The following PML variants were observed in gnomAD, a reference collection of about 807,000 sequenced individuals.
PML encodes the protein protein PML.
Under a neutral mutation model 65.2 loss-of-function variants are expected in PML, and 28 were observed. That is an observed-to-expected ratio of 0.43 (90% CI 0.32 to 0.59). PML has a LOEUF of 0.59. PML is among the 20% of genes least tolerant of loss of function. PML has a pLI of 0.08. For synonymous variants in PML, 500 were observed against 508.8 expected (o/e 0.98, Z 0.23); for missense variants, 1,021 against 1,203.4 (o/e 0.85, Z 2.24).
chr15:74,041,867 G>A (rs952819961), intron 7 of PML, among the ~76,000 whole-genome samples: 2 of 152,166 alleles, frequency 1.3e-5, no homozygotes, highest in African/African-American at 4.8e-5. Flanking sequence ...GAAGCCAGCG[G>A]CAGTCCATAA....
In PML at chr15:74,033,266, G is replaced by A. The variant is rs1336817857; in HGVS notation, c.1509G>A (p.Arg503=). 1 of 1,614,212 alleles carries A rather than the reference G, an allele frequency of 6.2e-7. No individual in the cohort carries two copies. The highest frequency in any genetic ancestry group is 2.2e-5 in the East Asian group (1 of 44,886). ...AGGGGAAGGAGGCAAGGTTGGCTCG[G>A]AGCTCCCCGGAGCAGCCCAGGCCCA... ...SEEGKEARLA[R]SSPEQPRPST... The change falls in exon 6 of 9, where the codon CGG becomes CGA. Residue 503 remains arginine, a synonymous_variant. Transcript: ENST00000268058.
At chr15:74,016,625 G>A (rs1055194746) in intron 2 of PML, among the ~76,000 whole-genome samples, 2 of 152,024 alleles carry the variant, frequency 1.3e-5, no homozygotes, top group African/African-American at 2.4e-5. Flanking sequence ...ATGAGAGAAA[G>A]AGGAAACTAC....
At chr15:74,033,441 T>A in intron 6 of PML, 27 bp downstream of exon 6, 1 of 1,611,008 alleles carries the variant, frequency 6.2e-7, no homozygotes, top group Non-Finnish European at 8.5e-7. Context: ...GGCAGTGGCC[T>A]GGGTGCTGCC....
chr15:74,035,385 C>T lies in PML; in HGVS notation c.1710+855C>T. On this transcript the variant is annotated intron_variant, in intron 7 of 8. Transcript: ENST00000268058. This position sits in a 1 kb window ranked among gnomAD's most constrained non-coding sequence, Gnocchi z 4.1. ...CCCCGATGCTGAGCCTCACAGCGAG[C>T]CTCCTGATCACCAGGAGCGCCCTGC... 1.9e-6 allele frequency: 3 copies of T among 1,611,860 alleles called. No homozygotes were observed. The highest frequency in any genetic ancestry group is 2.5e-6 in the Non-Finnish European group (3 of 1,179,968).
At chr15:74,018,526 T>A (rs1243362469) in intron 2 of PML, among the ~76,000 whole-genome samples, 4 of 152,038 alleles carry the variant, frequency 2.6e-5, no homozygotes, top group African/African-American at 4.8e-5. Flanking sequence ...TAAAAAAAGT[T>A]TTTTAGAGAT....
Position 74,046,784 on chromosome 15 carries a change from A to C in PML, c.*1776A>C. ...GTGAATCTTGAAAGCCTGATGCTCC[A>C]ATCACAGACTCTGCTCAGCATCCCC... On this transcript the variant is annotated 3_prime_UTR_variant, in exon 9 of 9. Coordinates refer to ENST00000268058, the MANE Select transcript of PML (RefSeq NM_033238.3). 2 of 231,440 alleles carry C rather than the reference A, an allele frequency of 8.6e-6. No individual in the cohort carries two copies. The highest frequency in any genetic ancestry group is 1.7e-5 in the Non-Finnish European group (2 of 116,884). The allele number at this position is 231,440 out of a possible 1,614,324, so 14.3% of individuals were successfully genotyped here.
chr15:74,023,418 C>G lies in PML; in HGVS notation c.1183+10C>G, dbSNP rs2070934518. Reference sequence around the variant, plus strand: ...ATCACCCAGGGGAAAGGTAAGCACGCACGCCACCTTCCTGGGCGGCCTGTG... The same window carrying G: ...ATCACCCAGGGGAAAGGTAAGCACGGACGCCACCTTCCTGGGCGGCCTGTG... On this transcript the variant is annotated intron_variant, in intron 3 of 8. Transcript: ENST00000268058. 6.3e-7 allele frequency: 1 copy of G among 1,593,408 alleles called. No homozygotes were observed. The highest frequency in any genetic ancestry group is 8.5e-7 in the Non-Finnish European group (1 of 1,176,012).
rs983458863 is a variant in PML, at chr15:74,045,071, G to A, written c.*63G>A. On this transcript the variant is annotated 3_prime_UTR_variant, in exon 9 of 9. Coordinates refer to ENST00000268058, the MANE Select transcript of PML (RefSeq NM_033238.3). ...GAGAGGGATGGGGTCCCTGAGCCAG[G>A]CCCCACCCATCACAGCATTCCCAGG... 3 of 1,424,942 alleles carry A rather than the reference G, an allele frequency of 2.1e-6. No individual in the cohort carries two copies. The highest frequency in any genetic ancestry group is 2.8e-5 in the African/African-American group (2 of 70,812). The allele number at this position is 1,424,942 out of a possible 1,614,324, so 88.3% of individuals were successfully genotyped here.
intron 2 of PML, among the ~76,000 whole-genome samples, chr15:74,004,230 C>T (rs1040207839): frequency 6.6e-6 from 1 of 152,180 alleles, no homozygotes; most frequent in African/African-American, 2.4e-5. Flanking sequence ...CCACCTTGAC[C>T]TCCCAAGTAG....
intron 7 of PML, among the ~76,000 whole-genome samples, chr15:74,040,300 G>A (rs1337376325): frequency 2.6e-5 from 4 of 152,174 alleles, no homozygotes; most frequent in African/African-American, 4.8e-5. Context: ...GCATAGCAAA[G>A]CTTTCCCCCT....
chr15:74,008,032 A>G (rs542806871), intron 2 of PML, among the ~76,000 whole-genome samples: 2 of 152,284 alleles, frequency 1.3e-5, no homozygotes, highest in East Asian at 3.9e-4. Flanking sequence ...TCATTTGTGG[A>G]AGGAAGAAGT....
rs758676057 is a variant in PML at position 74,044,342 on chromosome 15, C to G, written c.1983C>G (p.His661Gln). 6.2e-7 allele frequency: 1 copy of G among 1,614,214 alleles called. No homozygotes were observed. Among genetic ancestry groups the G allele is most frequent in the Admixed American group, 1.7e-5 (1 of 60,032 alleles). ...TGTCCCTGGAGGTGGGGCTGCAGCA[C>G]TTCCTCAGCTTTCTGAGCTCCATGC... is the stretch of plus-strand genomic sequence containing the variant. ...KAVSLEVGLQ[H>Q]FLSFLSSMRR... is the part of the protein sequence containing the mutation. The change falls in exon 9 of 9, where the codon CAC becomes CAG. Residue 661 changes from histidine (H) to glutamine (Q), a missense_variant. Transcript: ENST00000268058.
chr15:73,996,080 A>G (rs1156293321), intron 1 of PML, among the ~76,000 whole-genome samples: 1 of 152,200 alleles, frequency 6.6e-6, no homozygotes, highest in African/African-American at 2.4e-5. Context: ...AATGTGGTAA[A>G]ATATACCTAA....
At chr15:74,034,986 T>C in intron 7 of PML, 2 of 1,501,808 alleles carry the variant, frequency 1.3e-6, no homozygotes, top group African/African-American at 2.8e-5. Context: ...GAAAGATATA[T>C]AAATCCATTC....
rs1178046204 is a variant in PML at position 74,046,782 on chromosome 15, C to T, written c.*1774C>T. On this transcript the variant is annotated 3_prime_UTR_variant, in exon 9 of 9. Transcript: ENST00000268058. Reference sequence around the variant, plus strand: ...ATGTGAATCTTGAAAGCCTGATGCTCCAATCACAGACTCTGCTCAGCATCC... The same window carrying T: ...ATGTGAATCTTGAAAGCCTGATGCTTCAATCACAGACTCTGCTCAGCATCC... 2 of 231,336 alleles carry T rather than the reference C, an allele frequency of 8.6e-6. No individual in the cohort carries two copies. Among genetic ancestry groups the T allele is most frequent in the Non-Finnish European group, 1.7e-5 (2 of 116,900 alleles). 14.3% of individuals were successfully genotyped at this position (231,336 alleles called of 1,614,324 possible).
In PML at chr15:73,997,997, C is replaced by A; in HGVS notation, c.130-7C>A. Reference sequence around the variant, plus strand: ...TCCAGGCCTCACCTGCCTCTCTGGTCCCCCAGCGAGCCCCCGCTTCGGAGG... The same window carrying A: ...TCCAGGCCTCACCTGCCTCTCTGGTACCCCAGCGAGCCCCCGCTTCGGAGG... On this transcript the variant is annotated splice_region_variant and splice_polypyrimidine_tract_variant and intron_variant, in intron 1 of 8. Transcript: ENST00000268058. 3 of 1,610,746 alleles carry A rather than the reference C, an allele frequency of 1.9e-6. No homozygotes were observed. Among genetic ancestry groups the A allele is most frequent in the South Asian group, 1.1e-5 (1 of 90,942 alleles).
rs2071735204 is a variant in PML, at chr15:74,043,421, G to A, written c.1861+282G>A. The A allele has an allele frequency of 5.7e-6, 8 of 1,401,602 alleles. No individual in the cohort carries two copies. In the East Asian group the frequency reaches 1.8e-4, roughly 32 times the overall value. The allele number at this position is 1,401,602 out of a possible 1,614,324, so 86.8% of individuals were successfully genotyped here. A position where few individuals can be genotyped will look rare whatever the true frequency, so the allele number is the denominator to read the frequency against. On this transcript the variant is annotated intron_variant, in intron 8 of 8. Coordinates refer to ENST00000268058, the MANE Select transcript of PML (RefSeq NM_033238.3). This position sits in a 1 kb window ranked among gnomAD's most constrained non-coding sequence, Gnocchi z 4.3. ...TTCTTCTCTCAGACAGAGAGCCTGG[G>A]GAACACACTCCTAGACAGAAACACA...
chr15:74,021,141 C>T (rs779018755), intron 2 of PML, among the ~76,000 whole-genome samples: 2 of 152,158 alleles, frequency 1.3e-5, no homozygotes, highest in Non-Finnish European at 2.9e-5. Context: ...AATTATTTTG[C>T]CTCTTGCACC....
chr15:74,013,910 A>G (rs2070444897), intron 2 of PML, among the ~76,000 whole-genome samples: 1 of 152,238 alleles, frequency 6.6e-6, no homozygotes, highest in Non-Finnish European at 1.5e-5. Context: ...GCAATATTCA[A>G]TACTATATAA....
Sources: gnomAD v4.1 joint callset for allele counts (sites outside exome capture counted in the v4.1 genomes callset) on GRCh38, gnomAD v4.1.1 for gene constraint, Gnocchi (gnomAD v3.1) non-coding constraint, MANE v1.5 for transcripts, NCBI Gene and HGNC (gene_info 2026-07-23, HGNC 2026-07-21) for gene names.